VPS13B: variants seen among roughly 807,000 people sequenced by gnomAD.
VPS13B encodes the protein intermembrane lipid transfer protein VPS13B.
VPS13B carries 285 observed loss-of-function variants against 426.4 expected under a neutral mutation model. That is an observed-to-expected ratio of 0.67 (90% CI 0.61 to 0.74). The LOEUF is 0.74. VPS13B is among the 30% of genes least tolerant of loss of function. VPS13B has a pLI of 0.00. For synonymous variants in VPS13B, 1,676 were observed against 1,676.4 expected (o/e 1.00, Z 0.01); for missense variants, 4,537 against 4,782.6 (o/e 0.95, Z 1.51).
At chr8:99,868,114 AAT>A in intron 58 of VPS13B, 173 bp from the exon 59 acceptor site, 1 of 716,064 alleles carries the variant, frequency 1.4e-6, no homozygotes, top group Non-Finnish European at 2.3e-6. Flanking sequence ...GACGATAATA[AAT>A]GTCTACTGCC....
At chr8:99,200,312 C>T (rs1814231443) in intron 17 of VPS13B, among the ~76,000 whole-genome samples, 1 of 152,010 alleles carries the variant, frequency 6.6e-6, no homozygotes, top group South Asian at 2.1e-4. Context: ...GTTGATGGAC[C>T]TTTGCATTGT....
At chr8:99,629,764 A>G (rs148037717) in intron 33 of VPS13B, among the ~76,000 whole-genome samples, 4,943 of 152,248 alleles carry the variant, frequency 0.032, 148 homozygotes, top group Non-Finnish European at 0.043. Flanking sequence ...TCTGAGGTGG[A>G]GTAATCAAAT....
chr8:99,310,112 A>G (rs146084997), intron 19 of VPS13B, among the ~76,000 whole-genome samples: 11,345 of 152,198 alleles, frequency 0.075, 522 homozygotes, highest in African/African-American at 0.13. Flanking sequence ...TAAATATACA[A>G]TCATGTCATC....
chr8:99,800,446 C>G (rs1026958778), intron 43 of VPS13B, among the ~76,000 whole-genome samples: 2 of 152,062 alleles, frequency 1.3e-5, no homozygotes, highest in Admixed American at 1.3e-4. Flanking sequence ...TCATTTCATA[C>G]TTTTTTAACT....
intron 43 of VPS13B, among the ~76,000 whole-genome samples, chr8:99,801,048 CA>C (rs1383677914): frequency 6.6e-6 from 1 of 152,108 alleles, no homozygotes; most frequent in Non-Finnish European, 1.5e-5. Context: ...AACAGCCAAA[CA>C]GTGACTTTCT....
chr8:99,838,484 A>G (rs898671112), intron 54 of VPS13B, among the ~76,000 whole-genome samples: 2 of 152,368 alleles, frequency 1.3e-5, no homozygotes, highest in East Asian at 3.9e-4. Flanking sequence ...CAAAGAAAAC[A>G]TAGTAGTTAC....
chr8:99,526,579 T>C (rs1822654726), intron 30 of VPS13B, among the ~76,000 whole-genome samples: 1 of 152,098 alleles, frequency 6.6e-6, no homozygotes, highest in African/African-American at 2.4e-5. Context: ...CAAAGATAAT[T>C]CAGTTATATA....
intron 29 of VPS13B, among the ~76,000 whole-genome samples, chr8:99,517,996 A>G (rs1588456279): frequency 6.6e-6 from 1 of 152,002 alleles, no homozygotes; most frequent in East Asian, 1.9e-4. Context: ...ATTTTAATCT[A>G]GTTTATGAAT....
At chr8:99,444,971 C>A (rs1239249065) in intron 23 of VPS13B, among the ~76,000 whole-genome samples, 1 of 151,960 alleles carries the variant, frequency 6.6e-6, no homozygotes, top group Non-Finnish European at 1.5e-5. Context: ...CTATTCAAAT[C>A]TTTTGCCTAC....
Position 99,423,620 on chromosome 8 carries a change from C to T in VPS13B, c.3083-7917C>T, listed in dbSNP as rs532264429. ...AATTGCCCTCTGTTGCAGTTCCATT[C>T]TATAGAGCATACCTATTTTCCCCAT... On this transcript the variant is annotated intron_variant, in intron 21 of 61. Coordinates refer to ENST00000357162, the MANE Select transcript of VPS13B (RefSeq NM_152564.5). 2.6e-5 allele frequency among the ~76,000 whole-genome samples: 4 copies of T among 152,146 alleles called. No individual in the cohort carries two copies. In the South Asian group the frequency reaches 8.3e-4, roughly 32 times the overall value.
At chr8:99,682,666 T>C (rs1464083806) in intron 35 of VPS13B, among the ~76,000 whole-genome samples, 1 of 152,150 alleles carries the variant, frequency 6.6e-6, no homozygotes, top group African/African-American at 2.4e-5. Context: ...AACATCAGCA[T>C]TGTGGTGGCC....
intron 47 of VPS13B, among the ~76,000 whole-genome samples, 175 bp from the exon 48 acceptor site, chr8:99,819,237 G>A (rs927665629): frequency 6.6e-6 from 1 of 152,058 alleles, no homozygotes. Flanking sequence ...TGAGGGGTGG[G>A]GGAAGAAAGA....
intron 35 of VPS13B, among the ~76,000 whole-genome samples, chr8:99,691,088 T>C (rs1831633772): frequency 6.6e-6 from 1 of 152,216 alleles, no homozygotes; most frequent in African/African-American, 2.4e-5. Context: ...AGCATTATGC[T>C]ATATGAAGGA....
At chr8:99,142,488 A>G (rs1810483016) in intron 12 of VPS13B, among the ~76,000 whole-genome samples, 2 of 152,186 alleles carry the variant, frequency 1.3e-5, no homozygotes, top group African/African-American at 4.8e-5. Context: ...TATTCTAGAA[A>G]AAGTTCAAAG....
Position 99,861,793 on chromosome 8 carries a change from A to T in VPS13B, c.11062A>T (p.Thr3688Ser), listed in dbSNP as rs1588797596. 1 of 1,594,980 alleles carries T rather than the reference A, an allele frequency of 6.3e-7. No homozygotes were observed. The highest frequency in any genetic ancestry group is 8.5e-7 in the Non-Finnish European group (1 of 1,170,884). The stretch of plus-strand genomic sequence containing the variant: ...TCCCTCAGGTACCCTCACATCCATC[A>T]CCAACCTCGCCACAAGCCTGGCCCG... Reference protein sequence around the residue: ...HISKGTLTSITNLATSLARNM... With the variant: ...HISKGTLTSISNLATSLARNM... The change falls in exon 58 of 62, where the codon ACC (threonine) becomes TCC (serine). Residue 3688 changes from threonine (T) to serine (S), a missense_variant. By Grantham distance (58) the Thr-to-Ser change is moderately conservative. This residue lies in a region of VPS13B where 4,311 missense variants were observed against 4,474.3 expected (regional missense o/e 0.96). Transcript: ENST00000357162.
intron 33 of VPS13B, among the ~76,000 whole-genome samples, chr8:99,622,549 A>G (rs1828407409): frequency 6.6e-6 from 1 of 152,204 alleles, no homozygotes; most frequent in Non-Finnish European, 1.5e-5. Context: ...ACAATTTTAG[A>G]TTGCCTAAAA....
intron 19 of VPS13B, among the ~76,000 whole-genome samples, chr8:99,295,247 TAAC>T (rs1386155264): frequency 6.6e-6 from 1 of 152,178 alleles, no homozygotes; most frequent in Non-Finnish European, 1.5e-5. Context: ...ACTTATATAA[TAAC>T]TTTATATACA....
chr8:99,752,365 A>G (rs983492424), intron 39 of VPS13B, among the ~76,000 whole-genome samples: 1 of 152,222 alleles, frequency 6.6e-6, no homozygotes, highest in African/African-American at 2.4e-5. Flanking sequence ...GATCAGCAGC[A>G]AACTACAGCC....
intron 8 of VPS13B, among the ~76,000 whole-genome samples, chr8:99,128,215 C>G (rs1422969941): frequency 6.6e-6 from 1 of 150,876 alleles, no homozygotes; most frequent in Non-Finnish European, 1.5e-5. Flanking sequence ...ATGGAAACCC[C>G]GTCTTTACTA....
Sources: allele counts gnomAD v4.1 joint callset (sites outside exome capture counted in the v4.1 genomes callset), GRCh38; gene constraint gnomAD v4.1.1; regional missense constraint gnomAD v4.1.1; transcripts MANE v1.5; gene names NCBI Gene and HGNC (gene_info 2026-07-23, HGNC 2026-07-21).